Variants in MROH9 observed in about 807,000 individuals in gnomAD.
The protein encoded by MROH9 is maestro heat-like repeat-containing protein family member 9.
A neutral mutation model predicts 98.2 loss-of-function variants in MROH9; 92 were observed. That is an observed-to-expected ratio of 0.94 (90% CI 0.79 to 1.11). The LOEUF is 1.11. Ranked by LOEUF, MROH9 falls within the 50% of genes most tolerant of loss-of-function variation. The pLI is 0.00. For synonymous variants in MROH9, 397 were observed against 368.9 expected (o/e 1.08, Z -0.87); for missense variants, 1,057 against 1,014.8 (o/e 1.04, Z -0.57).
intron 15 of MROH9, among the ~76,000 whole-genome samples, chr1:171,008,759 C>CGT (rs1262149953): frequency 2.0e-5 from 3 of 152,010 alleles, no homozygotes; most frequent in Admixed American, 6.6e-5. Context: ...ATAGCAAGAC[C>CGT]GTATCTCTTT....
intron 9 of MROH9, 29 bp downstream of exon 9, chr1:170,983,563 C>T (rs746306461): frequency 4.5e-6 from 6 of 1,333,274 alleles, no homozygotes; most frequent in Non-Finnish European, 6.5e-6. Context: ...TTTCCGAGGG[C>T]TTTTGTTTAT....
intron 9 of MROH9, among the ~76,000 whole-genome samples, chr1:170,984,016 A>C (rs1268799665): frequency 6.6e-6 from 1 of 152,250 alleles, no homozygotes; most frequent in African/African-American, 2.4e-5. Flanking sequence ...AGTACCAAGT[A>C]AGTAGTTTTT....
chr1:171,025,389 A>G lies in MROH9; in HGVS notation c.2250A>G (p.Thr750=), dbSNP rs1652674178. The part of the protein sequence containing the change: ...DTLRFLWSPR[T]YLKRASVILI... ...TACGATTCCTGTGGAGCCCCAGAAC[A>G]TATCTTAAGAGGGCATCGGTTATTT... Residue 750 remains threonine (T), a synonymous_variant, in exon 20 of 22, where the codon ACA becomes ACG. Coordinates refer to ENST00000367759, the MANE Select transcript of MROH9 (RefSeq NM_001163629.2). The G allele has an allele frequency of 6.5e-7, 1 of 1,549,332 alleles. No individual in the cohort carries two copies. The highest frequency in any genetic ancestry group is 8.7e-7 in the Non-Finnish European group (1 of 1,145,056).
intron 20 of MROH9, among the ~76,000 whole-genome samples, chr1:171,041,408 TACACACACAC>T (rs137951871): frequency 9.7e-6 from 1 of 102,972 alleles, no homozygotes; most frequent in African/African-American, 3.4e-5. Flanking sequence ...TCAAGATACA[TACACACACAC>T]ACACACACAC....
intron 8 of MROH9, among the ~76,000 whole-genome samples, chr1:170,978,293 T>C (rs1557882199): frequency 6.6e-6 from 1 of 152,096 alleles, no homozygotes; most frequent in Non-Finnish European, 1.5e-5. Flanking sequence ...GGTGTAGCCC[T>C]CAGGCTCATT....
chr1:170,987,717 A>T (rs898176545), intron 10 of MROH9, among the ~76,000 whole-genome samples: 1 of 152,224 alleles, frequency 6.6e-6, no homozygotes, highest in Non-Finnish European at 1.5e-5. Context: ...TACGTATTAC[A>T]TTCTTTCCAA....
intron 20 of MROH9, among the ~76,000 whole-genome samples, chr1:171,052,682 G>A (rs1448191320): frequency 6.6e-6 from 1 of 152,134 alleles, no homozygotes; most frequent in Non-Finnish European, 1.5e-5. Flanking sequence ...GGAATGGCAG[G>A]GGCAGCTCAG....
At chr1:170,964,292 G>A (rs1020666106) in intron 6 of MROH9, among the ~76,000 whole-genome samples, 1 of 151,994 alleles carries the variant, frequency 6.6e-6, no homozygotes, top group African/African-American at 2.4e-5. Flanking sequence ...TACCTACCAT[G>A]CCTAAAAGCT....
At position 170,943,043 on chromosome 1, in the gene MROH9, G is replaced by C. The variant is rs550159716; in HGVS notation, c.-37-2477G>C. Among the ~76,000 whole-genome samples, 6 of 152,150 alleles carry C rather than the reference G, an allele frequency of 3.9e-5. No homozygotes were observed. In the South Asian group the frequency reaches 1.0e-3, roughly 26 times the overall value. On this transcript the variant is annotated intron_variant, in intron 1 of 21. Coordinates refer to ENST00000367759, the MANE Select transcript of MROH9 (RefSeq NM_001163629.2). ...AGTCCTGAAAATATTTGATTCGGAAGTAGCCCATCTTATTCTAATAAGCAA... is the reference window on the plus strand; with the variant it reads ...AGTCCTGAAAATATTTGATTCGGAACTAGCCCATCTTATTCTAATAAGCAA...
intron 1 of MROH9, among the ~76,000 whole-genome samples, chr1:170,942,313 G>A (rs1237636112): frequency 1.3e-5 from 2 of 150,904 alleles, no homozygotes; most frequent in African/African-American, 4.9e-5. Context: ...GCATTATCTT[G>A]CTTGGCAACT....
At chr1:171,023,214 T>C (rs751973075) in intron 17 of MROH9, among the ~76,000 whole-genome samples, 75 of 152,302 alleles carry the variant, frequency 4.9e-4, no homozygotes, top group Non-Finnish European at 9.0e-4. Flanking sequence ...AGTGAGACCC[T>C]GTCTCTAATA....
At chr1:170,958,108 G>A (rs9427204) in intron 3 of MROH9, among the ~76,000 whole-genome samples, 12 of 151,596 alleles carry the variant, frequency 7.9e-5, no homozygotes, top group African/African-American at 4.8e-5. Flanking sequence ...CACGCCCGGC[G>A]CTGCTGGCAT....
chr1:171,016,185 T>C lies in MROH9; in HGVS notation c.1757T>C (p.Leu586Ser). ...INKTENVSSILIAILDAFLSK... is the reference protein window; with the variant it reads ...INKTENVSSISIAILDAFLSK... ...TAGACAGAAAATGTCAGCAGTATAT[T>C]AATAGCCATCCTGGATGCCTTCCTT... Residue 586 changes from leucine to serine, a missense_variant, in exon 17 of 22, where the codon TTA (leucine) becomes TCA (serine). Transcript: ENST00000367759. The C allele has an allele frequency of 6.6e-7, 1 of 1,526,128 alleles. No homozygotes were observed. Among genetic ancestry groups the C allele is most frequent in the Non-Finnish European group, 8.8e-7 (1 of 1,136,220 alleles). The allele number at this position is 1,526,128 out of a possible 1,614,324, so 94.5% of individuals were successfully genotyped here.
chr1:171,049,558 C>T (rs1408382797), intron 20 of MROH9, among the ~76,000 whole-genome samples: 3 of 152,162 alleles, frequency 2.0e-5, no homozygotes, highest in Non-Finnish European at 1.5e-5. Context: ...GTGGAGCTTT[C>T]TATTCCATCA....
chr1:170,996,455 T>G lies in MROH9; in HGVS notation c.1338-52T>G, dbSNP rs56363881. 3.9e-3 allele frequency: 6,312 copies of G among 1,598,644 alleles called. 18 individuals carry two copies. Among genetic ancestry groups the G allele is most frequent in the Non-Finnish European group, 4.8e-3 (5,619 of 1,171,924 alleles). On this transcript the variant is annotated intron_variant, in intron 13 of 21. Coordinates refer to ENST00000367759, the MANE Select transcript of MROH9 (RefSeq NM_001163629.2). ...TAAAAGGCAGGTAATGTGTATTTAG[T>G]TTTTTGAATATCACCGGCATGTGAT... is the stretch of plus-strand genomic sequence containing the variant.
intron 20 of MROH9, among the ~76,000 whole-genome samples, chr1:171,053,238 C>T (rs955460158): frequency 6.6e-6 from 1 of 152,192 alleles, no homozygotes; most frequent in South Asian, 2.1e-4. Context: ...GACAAATGCT[C>T]ATGGTAGCCA....
Position 170,961,898 on chromosome 1 carries a change from C to T in MROH9, c.297C>T (p.Tyr99=), listed in dbSNP as rs1218426278. 3.4e-6 allele frequency: 5 copies of T among 1,475,876 alleles called. No homozygotes were observed. Among genetic ancestry groups the T allele is most frequent in the African/African-American group, 2.9e-5 (2 of 69,042 alleles). 91.4% of individuals were successfully genotyped at this position (1,475,876 alleles called of 1,614,324 possible). A position where few individuals can be genotyped will look rare whatever the true frequency, so the allele number is the denominator to read the frequency against. The change falls in exon 6 of 22, where the codon TAC becomes TAT. Residue 99 remains tyrosine (Y), a synonymous_variant. Coordinates refer to ENST00000367759, the MANE Select transcript of MROH9 (RefSeq NM_001163629.2). ...YEYIEDMENL[Y]HNILNIYENI... The stretch of plus-strand genomic sequence containing the variant: ...ATGTTTTTGTGTTTCAGAATTTATA[C>T]CACAATATTTTAAATATATATGAGA...
At chr1:171,008,474 AT>A (rs1463755792) in intron 15 of MROH9, among the ~76,000 whole-genome samples, 1 of 152,242 alleles carries the variant, frequency 6.6e-6, no homozygotes, top group African/African-American at 2.4e-5. Flanking sequence ...CAATTCAGTA[AT>A]TTTAAATACT....
intron 15 of MROH9, chr1:170,998,858 C>A: frequency 3.1e-6 from 2 of 647,712 alleles, no homozygotes; most frequent in Non-Finnish European, 3.8e-6. Context: ...GCACATATTA[C>A]CTAAGGTGAA....
Sources: allele counts gnomAD v4.1 joint callset (sites outside exome capture counted in the v4.1 genomes callset), GRCh38; gene constraint gnomAD v4.1.1; transcripts MANE v1.5; gene names NCBI Gene and HGNC (gene_info 2026-07-23, HGNC 2026-07-21).